The following SETD6 variants were observed in gnomAD, a reference collection of about 807,000 sequenced individuals.
The protein encoded by SETD6 is N-lysine methyltransferase SETD6.
In SETD6, 67 loss-of-function variants were observed where a neutral mutation model predicts 52.7. The ratio of observed to expected loss-of-function variants is 1.27; its 90% CI spans 1.04 to 1.56. SETD6 has a LOEUF of 1.56. Ranked by LOEUF, SETD6 falls within the 40% of genes most tolerant of loss-of-function variation. SETD6 has a pLI of 0.00. For synonymous variants in SETD6, 307 were observed against 250.2 expected, an observed-to-expected ratio of 1.23 and a Z score of -2.14; for missense variants, 712 against 607.5, an observed-to-expected ratio of 1.17 and a Z score of -1.81.
rs984214532 is a variant in SETD6 at position 58,516,927 on chromosome 16, C to G, written c.791C>G (p.Ala264Gly). 5.0e-6 allele frequency: 8 copies of G among 1,614,022 alleles called. No individual in the cohort carries two copies. Among genetic ancestry groups the G allele is most frequent in the East Asian group, 2.2e-5 (1 of 44,894 alleles). ...ANHNANLEYS[A>G]NCLRMVATQP... Reference sequence around the variant, plus strand: ...CACAACGCCAATCTAGAATACTCTGCGGTGAGTGGAGTTTCTCTTGGTGCA... The same window carrying G: ...CACAACGCCAATCTAGAATACTCTGGGGTGAGTGGAGTTTCTCTTGGTGCA... Residue 264 changes from alanine (A) to glycine (G), a missense_variant and splice_region_variant, in exon 5 of 8, where the codon GCG (alanine) becomes GGG (glycine). Physicochemically the swap from Ala to Gly is moderately conservative, Grantham distance 60. Transcript: ENST00000219315.
chr16:58,517,068 T>C (rs769851763), intron 5 of SETD6, 140 bp downstream of exon 5: 1 of 1,246,420 alleles, frequency 8.0e-7, no homozygotes, highest in South Asian at 1.2e-5. Context: ...CATATTACTG[T>C]AGAATCATTT....
Position 58,515,795 on chromosome 16 carries a change from CG to C in SETD6, c.36del (p.Val14TrpfsTer13). ...CACTGCGCGCACTTATCTCAGGTGG[CG>C]GGGCCCGTGGACGGCGGCGACCTGG... MATQAKRPRV[A>X]GPVDGGDLDP... On this transcript the variant is annotated frameshift_variant, in exon 2 of 8. Transcript: ENST00000219315. LOFTEE classifies it high-confidence loss of function. The C allele has an allele frequency of 1.3e-6, 2 of 1,509,232 alleles. No homozygotes were observed. Among genetic ancestry groups the C allele is most frequent in the South Asian group, 1.3e-5 (1 of 77,430 alleles). The allele number at this position is 1,509,232 out of a possible 1,614,324, so 93.5% of individuals were successfully genotyped here.
At position 58,519,848 on chromosome 16, in the gene SETD6, G is replaced by T. The variant is rs1136936; in HGVS notation, c.*819G>T. On this transcript the variant is annotated 3_prime_UTR_variant, in exon 8 of 8. Coordinates refer to ENST00000219315, the MANE Select transcript of SETD6 (RefSeq NM_001160305.4). ...CAATCATTCAGCAAGAAGTTAGTTG[G>T]TGGTTCCCCATGGCCCCAAGGTCTG... is the stretch of plus-strand genomic sequence containing the variant. 35,118 of 151,970 alleles carry T rather than the reference G, an allele frequency of 0.23. 4,418 individuals carry two copies. The highest frequency in any genetic ancestry group is 0.34 in the African/African-American group (13,956 of 41,404). The allele number at this position is 151,970 out of a possible 1,614,324, so 9.4% of individuals were successfully genotyped here. A position where few individuals can be genotyped will look rare whatever the true frequency, so the allele number is the denominator to read the frequency against.
At chr16:58,517,827 G>C in intron 5 of SETD6, 1 of 613,136 alleles carries the variant, frequency 1.6e-6, no homozygotes, top group Admixed American at 3.0e-5. Flanking sequence ...AGAGGACTGT[G>C]CAGAAATCCA....
Position 58,518,122 on chromosome 16 carries a change from G to A in SETD6, c.864G>A (p.Met288Ile). Residue 288 changes from methionine (M) to isoleucine (I), a missense_variant, in exon 6 of 8, where the codon ATG (methionine) becomes ATA (isoleucine). Physicochemically the swap from Met to Ile is conservative, Grantham distance 10. Transcript: ENST00000219315. ...AGATTTTCAACACTTATGGGCAAAT[G>A]GCTAACTGGCAACTGATTCATATGT... The part of the protein sequence containing the change: ...GHEIFNTYGQ[M>I]ANWQLIHMYG... 6.2e-7 allele frequency: 1 copy of A among 1,613,850 alleles called. No individual in the cohort carries two copies. Among genetic ancestry groups the A allele is most frequent in the Non-Finnish European group, 8.5e-7 (1 of 1,179,746 alleles).
chr16:58,515,637 T>G, intron 1 of SETD6, 73 bp downstream of exon 1: 1 of 1,426,766 alleles, frequency 7.0e-7, no homozygotes, highest in East Asian at 2.8e-5. Context: ...ACCGTCCGCC[T>G]GCGCCCCCTC....
rs1213426885 is a variant in SETD6, at chr16:58,516,013, C to G, written c.250C>G (p.Gln84Glu). ...CGGCATGGTGGCCCGGGAGAGCGTG[C>G]AGGCCGGAGAGCTGTTGTTCGTGGT... is the stretch of plus-strand genomic sequence containing the variant. ...GYGMVARESV[Q>E]AGELLFVVPR... Residue 84 changes from glutamine (Q) to glutamate (E), a missense_variant, in exon 2 of 8, where the codon CAG (glutamine) becomes GAG (glutamate). By Grantham distance (29) the Gln-to-Glu change is conservative. Transcript: ENST00000219315. 1.3e-6 allele frequency: 2 copies of G among 1,542,742 alleles called. No homozygotes were observed. The highest frequency in any genetic ancestry group is 1.7e-6 in the Non-Finnish European group (2 of 1,155,716).
Position 58,515,823 on chromosome 16 carries a change from T to A in SETD6, c.60T>A (p.Asp20Glu). The A allele has an allele frequency of 6.5e-7, 1 of 1,536,756 alleles. No individual in the cohort carries two copies. Among genetic ancestry groups the A allele is most frequent in the Non-Finnish European group, 8.7e-7 (1 of 1,151,126 alleles). ...VAGPVDGGDL[D>E]PVACFLSWCR... is the part of the protein sequence containing the mutation. ...GGCCCGTGGACGGCGGCGACCTGGA[T>A]CCTGTGGCCTGCTTCCTGAGCTGGT... The change falls in exon 2 of 8, where the codon GAT (aspartate) becomes GAA (glutamate). Residue 20 changes from aspartate to glutamate, a missense_variant. By Grantham distance (45) the Asp-to-Glu change is conservative. Coordinates refer to ENST00000219315, the MANE Select transcript of SETD6 (RefSeq NM_001160305.4).
chr16:58,515,729 TCCTGCAGTTC>T, intron 1 of SETD6, 52 bp from the exon 2 acceptor site: 1 of 1,411,590 alleles, frequency 7.1e-7, no homozygotes, highest in Non-Finnish European at 9.2e-7. Flanking sequence ...CGCCGCGGTC[TCCTGCAGTTC>T]CCAGCGGCCT....
chr16:58,515,528 C>T lies in SETD6; in HGVS notation c.-10C>T, dbSNP rs2039085049. The T allele has an allele frequency of 3.2e-6, 5 of 1,587,264 alleles. No homozygotes were observed. The highest frequency in any genetic ancestry group is 1.4e-5 in the African/African-American group (1 of 72,996). ...GTGCGCCGGCCCGCGAGGAAACGCG[C>T]TCTTAGACCATGGCGACCCAGGCGA... is the stretch of plus-strand genomic sequence containing the variant. On this transcript the variant is annotated 5_prime_UTR_variant, in exon 1 of 8. Transcript: ENST00000219315.
chr16:58,518,386 C>T lies in SETD6; in HGVS notation c.974-15C>T, dbSNP rs778597554. 6 of 1,579,710 alleles carry T rather than the reference C, an allele frequency of 3.8e-6. No individual in the cohort carries two copies. Among genetic ancestry groups the T allele is most frequent in the Non-Finnish European group, 5.1e-6 (6 of 1,167,300 alleles). On this transcript the variant is annotated splice_polypyrimidine_tract_variant and intron_variant, in intron 6 of 7. Transcript: ENST00000219315. ...TGGGTGTACTGAGACTTTCACATTGCTGTTTCATCTACAGGAACAAAAACT... is the reference window on the plus strand; with the variant it reads ...TGGGTGTACTGAGACTTTCACATTGTTGTTTCATCTACAGGAACAAAAACT...
In SETD6 at chr16:58,515,563, G is replaced by C; in HGVS notation, c.26G>C (p.Arg9Pro). MATQAKRP[R>P]VAGPVDGGDL... The stretch of plus-strand genomic sequence containing the variant: ...ATGGCGACCCAGGCGAAGCGTCCAC[G>C]GGTGAGTGGCGGGCGCGGGGTCCAG... The change falls in exon 1 of 8, where the codon CGG becomes CCG. Residue 9 changes from arginine to proline, a missense_variant and splice_region_variant. Coordinates refer to ENST00000219315, the MANE Select transcript of SETD6 (RefSeq NM_001160305.4). 2 of 1,582,848 alleles carry C rather than the reference G, an allele frequency of 1.3e-6. No individual in the cohort carries two copies. Among genetic ancestry groups the C allele is most frequent in the Non-Finnish European group, 1.7e-6 (2 of 1,169,054 alleles).
chr16:58,516,772 C>G, intron 4 of SETD6, 36 bp from the exon 5 acceptor site: 2 of 1,613,576 alleles, frequency 1.2e-6, no homozygotes, highest in Non-Finnish European at 1.7e-6. Context: ...GTCCCTCACC[C>G]AAGACAGGGC....
Position 58,518,812 on chromosome 16 carries a change from T to C in SETD6, c.1205T>C (p.Ile402Thr). ...DDKREEGSLTITNIPKLKASW... is the reference protein window; with the variant it reads ...DDKREEGSLTTTNIPKLKASW... ...AAAAGGGAAGAGGGCAGCCTGACGA[T>C]CACAAATATTCCCAAGCTCAAAGCA... Residue 402 changes from isoleucine to threonine, a missense_variant, in exon 8 of 8, where the codon ATC becomes ACC. Physicochemically the swap from Ile to Thr is moderately conservative, Grantham distance 89. Transcript: ENST00000219315. 1 of 1,614,148 alleles carries C rather than the reference T, an allele frequency of 6.2e-7. No individual in the cohort carries two copies. Among genetic ancestry groups the C allele is most frequent in the Non-Finnish European group, 8.5e-7 (1 of 1,180,034 alleles).
In SETD6 at chr16:58,518,130, G is replaced by A. The variant is rs750742518; in HGVS notation, c.872G>A (p.Trp291Ter). The change falls in exon 6 of 8, where the codon TGG becomes TAG. Residue 291 changes from tryptophan (W) to a stop codon, truncating the protein, a stop_gained. Coordinates refer to ENST00000219315, the MANE Select transcript of SETD6 (RefSeq NM_001160305.4). LOFTEE classifies it high-confidence loss of function. ...IFNTYGQMAN[W>*]QLIHMYGFVE... ...AACACTTATGGGCAAATGGCTAACT[G>A]GCAACTGATTCATATGTACGGTTTT... The A allele has an allele frequency of 1.2e-6, 2 of 1,614,194 alleles. No homozygotes were observed. The highest frequency in any genetic ancestry group is 1.1e-5 in the South Asian group (1 of 91,078).
rs2039281278 is a variant in SETD6 at position 58,519,345 on chromosome 16, A to T, written c.*316A>T. 4.0e-6 allele frequency: 1 copy of T among 249,686 alleles called. No individual in the cohort carries two copies. The highest frequency in any genetic ancestry group is 7.7e-6 in the Non-Finnish European group (1 of 129,062). 15.5% of individuals were successfully genotyped at this position (249,686 alleles called of 1,614,324 possible). ...GTTGTGTTTCAGCATTTAATAATAGACTTTGGAGGTAGACCCCTGGTTTAA... is the reference window on the plus strand; with the variant it reads ...GTTGTGTTTCAGCATTTAATAATAGTCTTTGGAGGTAGACCCCTGGTTTAA... On this transcript the variant is annotated 3_prime_UTR_variant, in exon 8 of 8. Transcript: ENST00000219315.
Position 58,520,934 on chromosome 16 carries a change from C to T in SETD6, c.*1905C>T, listed in dbSNP as rs780113516. Reference sequence around the variant, plus strand: ...GTGCAGTGAGACCTCTAGACTGACACGTACAACAGAGATGCAGTTTCGTCT... The same window carrying T: ...GTGCAGTGAGACCTCTAGACTGACATGTACAACAGAGATGCAGTTTCGTCT... On this transcript the variant is annotated 3_prime_UTR_variant, in exon 8 of 8. Coordinates refer to ENST00000219315, the MANE Select transcript of SETD6 (RefSeq NM_001160305.4). The T allele has an allele frequency of 4.8e-5, 77 of 1,608,824 alleles. No homozygotes were observed. Among genetic ancestry groups the T allele is most frequent in the South Asian group, 6.6e-5 (6 of 91,048 alleles).
chr16:58,519,548 C>CTGTT lies in SETD6; in HGVS notation c.*521_*524dup, dbSNP rs960774959. 52 of 152,866 alleles carry CTGTT rather than the reference C, an allele frequency of 3.4e-4. No individual in the cohort carries two copies. Among genetic ancestry groups the CTGTT allele is most frequent in the African/African-American group, 1.2e-3 (51 of 41,346 alleles). The allele number at this position is 152,866 out of a possible 1,614,324, so 9.5% of individuals were successfully genotyped here. A position where few individuals can be genotyped will look rare whatever the true frequency, so the allele number is the denominator to read the frequency against. ...AGGACTTCAATTATTTAATTTTGAA[C>CTGTT]TGTTTTGTCCTCTCTGGCCATAAAA... On this transcript the variant is annotated 3_prime_UTR_variant, in exon 8 of 8. Transcript: ENST00000219315.
At chr16:58,517,825 G>A (rs540015405) in intron 5 of SETD6, 2 of 610,152 alleles carry the variant, frequency 3.3e-6, no homozygotes, top group South Asian at 4.0e-5. Context: ...GAAGAGGACT[G>A]TGCAGAAATC....
Sources: allele counts gnomAD v4.1 joint callset, GRCh38; gene constraint gnomAD v4.1.1; transcripts MANE v1.5; gene names NCBI Gene and HGNC (gene_info 2026-07-23, HGNC 2026-07-21).